Variants in CCDC15 observed in about 807,000 individuals in gnomAD.
The protein encoded by CCDC15 is coiled-coil domain-containing protein 15.
CCDC15 carries 105 observed loss-of-function variants against 114.5 expected under a neutral mutation model. The observed-to-expected ratio is 0.92, with a 90% CI of 0.78 to 1.08. The LOEUF is 1.08. CCDC15 is among the 50% of genes least tolerant of loss of function. The probability of loss-of-function intolerance (pLI) is 0.00; values close to 1 mark genes in which losing one functional copy is unlikely to be tolerated. For synonymous variants in CCDC15, 334 were observed against 377.8 expected (o/e 0.88, Z 1.34); for missense variants, 1,105 against 1,093.6 (o/e 1.01, Z -0.15).
At chr11:124,982,877 A>T (rs1948094258) in intron 6 of CCDC15, among the ~76,000 whole-genome samples, 1 of 152,230 alleles carries the variant, frequency 6.6e-6, no homozygotes, top group African/African-American at 2.4e-5. Flanking sequence ...TGATATGAAA[A>T]TATGAAATAC....
At chr11:124,992,858 G>T (rs1301364667) in intron 10 of CCDC15, among the ~76,000 whole-genome samples, 171 bp downstream of exon 10, 1 of 152,172 alleles carries the variant, frequency 6.6e-6, no homozygotes, top group Admixed American at 6.5e-5. Flanking sequence ...TTCAAAATGT[G>T]CCAGAATAAT....
chr11:124,956,942 G>A (rs1417531873), intron 2 of CCDC15, among the ~76,000 whole-genome samples: 1 of 151,996 alleles, frequency 6.6e-6, no homozygotes. Flanking sequence ...AATTTCAGGG[G>A]GCCATCAGGA....
At chr11:125,001,671 A>G (rs1478025491) in intron 11 of CCDC15, among the ~76,000 whole-genome samples, 1 of 152,220 alleles carries the variant, frequency 6.6e-6, no homozygotes, top group Non-Finnish European at 1.5e-5. Flanking sequence ...GCCTTTCGTG[A>G]CTGGCTTCTT....
intron 11 of CCDC15, among the ~76,000 whole-genome samples, chr11:124,999,997 G>T (rs1766541491): frequency 6.6e-6 from 1 of 151,420 alleles, no homozygotes; most frequent in Non-Finnish European, 1.5e-5. Context: ...TAGTAGCTGG[G>T]ATTACAGGCG....
At chr11:125,030,785 G>A (rs938562533) in intron 13 of CCDC15, among the ~76,000 whole-genome samples, 1 of 152,164 alleles carries the variant, frequency 6.6e-6, no homozygotes, top group Admixed American at 6.5e-5. Flanking sequence ...TGCCACCATG[G>A]CTACTTTGTT....
intron 6 of CCDC15, among the ~76,000 whole-genome samples, chr11:124,979,472 T>A (rs1405680527): frequency 6.6e-6 from 1 of 152,220 alleles, no homozygotes; most frequent in Non-Finnish European, 1.5e-5. Context: ...CATTGTTTTT[T>A]AATTCTTATT....
Position 125,040,510 on chromosome 11 carries a change from A to G in CCDC15, c.2735-80A>G, listed in dbSNP as rs1046372686. On this transcript the variant is annotated intron_variant, in intron 15 of 15. Coordinates refer to ENST00000344762, the MANE Select transcript of CCDC15 (RefSeq NM_025004.3). ...TTACTTGTAAGACTCTTGGTAGAGA[A>G]GCAGTACTAATAAGATAGAGGCTGG... 2.2e-5 allele frequency: 28 copies of G among 1,277,566 alleles called. No individual in the cohort carries two copies. In the African/African-American group the frequency reaches 3.9e-4, roughly 18 times the overall value. The allele number at this position is 1,277,566 out of a possible 1,614,324, so 79.1% of individuals were successfully genotyped here.
At chr11:125,020,926 T>A (rs1284820982) in intron 13 of CCDC15, among the ~76,000 whole-genome samples, 1 of 151,898 alleles carries the variant, frequency 6.6e-6, no homozygotes, top group African/African-American at 2.4e-5. Context: ...GTGGATTTTT[T>A]TTTTCCTAGG....
chr11:124,959,376 T>C, intron 3 of CCDC15, 112 bp downstream of exon 3: 1 of 876,488 alleles, frequency 1.1e-6, no homozygotes, highest in Non-Finnish European at 1.7e-6. Flanking sequence ...CCTAATATAA[T>C]CTAATTAACT....
intron 13 of CCDC15, among the ~76,000 whole-genome samples, chr11:125,019,059 T>A (rs1049754851): frequency 6.6e-6 from 1 of 151,990 alleles, no homozygotes; most frequent in Non-Finnish European, 1.5e-5. Context: ...AAAGACATGA[T>A]TGTAAAGACC....
intron 8 of CCDC15, 62 bp downstream of exon 8, chr11:124,988,196 G>A (rs1171409938): frequency 6.7e-7 from 1 of 1,499,552 alleles, no homozygotes; most frequent in East Asian, 2.3e-5. Context: ...TTTGAGGAGG[G>A]ATTTGTAAGG....
At chr11:124,959,328 A>G in intron 3 of CCDC15, 64 bp downstream of exon 3, 6 of 1,337,964 alleles carry the variant, frequency 4.5e-6, no homozygotes, top group Non-Finnish European at 6.1e-6. Flanking sequence ...GAGATAAGCT[A>G]TTAGGCAGTA....
chr11:124,983,294 C>A (rs951274751), intron 6 of CCDC15, among the ~76,000 whole-genome samples: 6 of 152,166 alleles, frequency 3.9e-5, no homozygotes, highest in Non-Finnish European at 8.8e-5. Flanking sequence ...GTTATCTCAA[C>A]CATTTCAGAC....
At chr11:125,027,210 G>T (rs936358241) in intron 13 of CCDC15, among the ~76,000 whole-genome samples, 2 of 152,044 alleles carry the variant, frequency 1.3e-5, no homozygotes, top group Non-Finnish European at 2.9e-5. Context: ...GCATGTACCT[G>T]TGTCTTTTTC....
In CCDC15 at chr11:124,987,874, GA is replaced by G; in HGVS notation, c.1649del (p.Asp550AlafsTer98). 1 of 1,613,874 alleles carries G rather than the reference GA, an allele frequency of 6.2e-7. No individual in the cohort carries two copies. The highest frequency in any genetic ancestry group is 8.5e-7 in the Non-Finnish European group (1 of 1,179,878). ...TAGAGACCAGCATGTTCTCCCCAAA[GA>G]CTGGAATATTCTACCCAAATGTCAG... ...LSRDQHVLPK[D>X]WNILPKCQDQ... On this transcript the variant is annotated frameshift_variant, in exon 8 of 16. Coordinates refer to ENST00000344762, the MANE Select transcript of CCDC15 (RefSeq NM_025004.3). LOFTEE classifies it high-confidence loss of function.
At chr11:125,007,312 T>G (rs1425082514) in intron 13 of CCDC15, among the ~76,000 whole-genome samples, 1 of 152,222 alleles carries the variant, frequency 6.6e-6, no homozygotes, top group Non-Finnish European at 1.5e-5. Flanking sequence ...AGCTCCCACA[T>G]GTGAGTGAGA....
chr11:125,034,547 T>C (rs533755113), intron 13 of CCDC15, among the ~76,000 whole-genome samples: 57 of 152,332 alleles, frequency 3.7e-4, no homozygotes, highest in African/African-American at 1.3e-3. Context: ...CATCATTTTC[T>C]TTCATCACTT....
At position 124,982,881 on chromosome 11, in the gene CCDC15, G is replaced by A. The variant is rs75655878; in HGVS notation, c.754-3861G>A. Among the ~76,000 whole-genome samples the A allele has an allele frequency of 6.0e-3, 919 of 152,346 alleles. 7 individuals carry two copies. The highest frequency in any genetic ancestry group is 0.019 in the African/African-American group (787 of 41,586). On this transcript the variant is annotated intron_variant, in intron 6 of 15. Coordinates refer to ENST00000344762, the MANE Select transcript of CCDC15 (RefSeq NM_025004.3). ...ATTTTCATGGATGATATGAAAATAT[G>A]AAATACATTTTGCAAGTTGCTTGGT... is the stretch of plus-strand genomic sequence containing the variant.
At chr11:125,023,083 G>A (rs1437461942) in intron 13 of CCDC15, among the ~76,000 whole-genome samples, 1 of 151,816 alleles carries the variant, frequency 6.6e-6, no homozygotes. Flanking sequence ...TATTTAACAA[G>A]TCTTTGCCTA....
Sources: allele counts gnomAD v4.1 joint callset (sites outside exome capture counted in the v4.1 genomes callset), GRCh38; gene constraint gnomAD v4.1.1; transcripts MANE v1.5; gene names NCBI Gene and HGNC (gene_info 2026-07-23, HGNC 2026-07-21).